The following RYR3 variants were observed in gnomAD, a reference collection of about 807,000 sequenced individuals.
RYR3 encodes ryanodine receptor 3, also known as brain ryanodine receptor-calcium release channel.
In RYR3, 207 loss-of-function variants were observed where a neutral mutation model predicts 584.3. The observed-to-expected ratio is 0.35, with a 90% CI of 0.32 to 0.40. The LOEUF (loss-of-function observed/expected upper bound fraction) is 0.40. RYR3 is among the 10% of genes least tolerant of loss of function. The probability of loss-of-function intolerance (pLI) is 1.00; values close to 1 mark genes in which losing one functional copy is unlikely to be tolerated. For synonymous variants in RYR3, 2,416 were observed against 2,248.5 expected (o/e 1.07, Z -2.11); for missense variants, 5,616 against 6,089.2 (o/e 0.92, Z 2.59).
At chr15:33,570,350 A>G (rs1365290166) in intron 12 of RYR3, among the ~76,000 whole-genome samples, 2 of 152,172 alleles carry the variant, frequency 1.3e-5, no homozygotes, top group Non-Finnish European at 2.9e-5. Flanking sequence ...ATATTTCCCC[A>G]TCAAGTTACC....
chr15:33,624,784 G>A (rs2060899994), intron 20 of RYR3, among the ~76,000 whole-genome samples: 1 of 152,186 alleles, frequency 6.6e-6, no homozygotes, highest in Non-Finnish European at 1.5e-5. Context: ...AGGGCTATTT[G>A]AATCACTATT....
intron 60 of RYR3, among the ~76,000 whole-genome samples, chr15:33,762,218 C>G (rs1433222970): frequency 2.0e-5 from 3 of 152,188 alleles, no homozygotes; most frequent in African/African-American, 7.2e-5. Context: ...CCCTCTCTCA[C>G]CACTCCTATT....
At chr15:33,735,888 A>G (rs1361111504) in intron 48 of RYR3, among the ~76,000 whole-genome samples, 1 of 152,200 alleles carries the variant, frequency 6.6e-6, no homozygotes, top group East Asian at 1.9e-4. Flanking sequence ...TGCAGAGTTC[A>G]GGGGACCTTA....
intron 32 of RYR3, among the ~76,000 whole-genome samples, chr15:33,653,255 T>C (rs1290260035): frequency 6.6e-6 from 1 of 152,260 alleles, no homozygotes; most frequent in Non-Finnish European, 1.5e-5. Context: ...AAAATACTTC[T>C]CACTTTAAGA....
intron 5 of RYR3, among the ~76,000 whole-genome samples, chr15:33,534,902 T>C (rs975378202): frequency 9.9e-5 from 15 of 152,192 alleles, no homozygotes; most frequent in African/African-American, 3.4e-4. Context: ...CATTTAGAGG[T>C]TGGGCTAGGT....
intron 16 of RYR3, among the ~76,000 whole-genome samples, chr15:33,594,236 T>C (rs1026193630): frequency 2.0e-4 from 30 of 152,198 alleles, no homozygotes; most frequent in African/African-American, 6.5e-4. Context: ...ACCATTCCAG[T>C]CAAAGCCTTG....
chr15:33,811,140 A>G, intron 72 of RYR3, 103 bp downstream of exon 72: 1 of 987,638 alleles, frequency 1.0e-6, no homozygotes, highest in East Asian at 2.6e-5. Context: ...ATGTGTTCCA[A>G]AAACAGTTTG....
intron 67 of RYR3, among the ~76,000 whole-genome samples, chr15:33,800,035 G>T (rs2075839848): frequency 6.6e-6 from 1 of 152,138 alleles, no homozygotes. Context: ...CTACTTCACG[G>T]CAAGACAGCT....
chr15:33,637,368 C>T (rs952567603), intron 27 of RYR3, among the ~76,000 whole-genome samples: 13 of 152,336 alleles, frequency 8.5e-5, no homozygotes, highest in East Asian at 1.9e-4. Flanking sequence ...TAAAATTCAA[C>T]GGCAGTGACT....
At chr15:33,493,751 T>C (rs1327774074) in intron 2 of RYR3, among the ~76,000 whole-genome samples, 1 of 152,176 alleles carries the variant, frequency 6.6e-6, no homozygotes, top group African/African-American at 2.4e-5. Flanking sequence ...CTTATACATA[T>C]CTGTTTTAGC....
Position 33,749,970 on chromosome 15 carries a change from G to T in RYR3, c.8200-9G>T. The T allele has an allele frequency of 6.2e-7, 1 of 1,610,500 alleles. No individual in the cohort carries two copies. Among genetic ancestry groups the T allele is most frequent in the Non-Finnish European group, 8.5e-7 (1 of 1,178,708 alleles). On this transcript the variant is annotated splice_polypyrimidine_tract_variant and intron_variant, in intron 55 of 103. Transcript: ENST00000634891. ...TCTTTTTGACTTGGCTCTTCTTGGT[G>T]GGACACAGGGAATGGTGGAGGTCGT...
At chr15:33,535,097 A>G (rs982634448) in intron 5 of RYR3, among the ~76,000 whole-genome samples, 1 of 152,240 alleles carries the variant, frequency 6.6e-6, no homozygotes, top group South Asian at 2.1e-4. Flanking sequence ...GGAAAAGTCT[A>G]ATTTGAATAC....
intron 38 of RYR3, among the ~76,000 whole-genome samples, chr15:33,686,258 G>A (rs531579492): frequency 3.9e-5 from 6 of 152,000 alleles, no homozygotes; most frequent in East Asian, 1.9e-4. Flanking sequence ...ACCACCAATC[G>A]CACAGAAATA....
chr15:33,684,399 G>A (rs1336633896), intron 38 of RYR3, among the ~76,000 whole-genome samples: 2 of 152,120 alleles, frequency 1.3e-5, no homozygotes, highest in Non-Finnish European at 2.9e-5. Flanking sequence ...TGCAGCTGAG[G>A]GACCTGACTC....
intron 89 of RYR3, chr15:33,839,708 C>T (rs1235405342): frequency 6.6e-6 from 1 of 152,224 alleles, no homozygotes; most frequent in Non-Finnish European, 1.5e-5. Flanking sequence ...AACACACTGT[C>T]CCTACAGCTT....
At chr15:33,579,609 A>T (rs1489183840) in intron 12 of RYR3, among the ~76,000 whole-genome samples, 1 of 152,238 alleles carries the variant, frequency 6.6e-6, no homozygotes, top group Non-Finnish European at 1.5e-5. Flanking sequence ...TCAAAATCAC[A>T]GTTGAAATTA....
intron 32 of RYR3, among the ~76,000 whole-genome samples, chr15:33,657,477 G>A (rs1478951053): frequency 6.6e-6 from 1 of 152,234 alleles, no homozygotes; most frequent in African/African-American, 2.4e-5. Context: ...AGGCCTACAA[G>A]TTGTTCTAGA....
chr15:33,599,908 G>C (rs1276342370), intron 16 of RYR3, among the ~76,000 whole-genome samples: 1 of 152,140 alleles, frequency 6.6e-6, no homozygotes, highest in Non-Finnish European at 1.5e-5. Flanking sequence ...TCTCTTTGCT[G>C]TTCCTACTGT....
chr15:33,603,463 A>G, intron 18 of RYR3, 99 bp downstream of exon 18: 1 of 1,266,048 alleles, frequency 7.9e-7, no homozygotes, highest in Admixed American at 2.3e-5. Flanking sequence ...GAAATGATAC[A>G]GACTCAAGAG....
Sources: gnomAD v4.1 joint callset for allele counts (sites outside exome capture counted in the v4.1 genomes callset) on GRCh38, gnomAD v4.1.1 for gene constraint, MANE v1.5 for transcripts, NCBI Gene and HGNC (gene_info 2026-07-23, HGNC 2026-07-21) for gene names.